Variants in ADGRB3 observed in about 807,000 individuals in gnomAD.
The protein encoded by ADGRB3 is adhesion G protein-coupled receptor B3, also known as brain-specific angiogenesis inhibitor 3.
In ADGRB3, 37 loss-of-function variants were observed where a neutral mutation model predicts 193.4. The ratio of observed to expected loss-of-function variants is 0.19; its 90% CI spans 0.15 to 0.25. ADGRB3 has a LOEUF of 0.25. Ranked by LOEUF, ADGRB3 falls within the 10% of genes least tolerant of loss-of-function variation. The pLI, the probability that ADGRB3 is intolerant of heterozygous loss-of-function variation, is 1.00. For missense variants in ADGRB3, 1,637 were observed against 1,852.9 expected, an observed-to-expected ratio of 0.88 and a Z score of 2.14; for synonymous variants, 690 against 644.2, an observed-to-expected ratio of 1.07 and a Z score of -1.08.
intron 17 of ADGRB3, among the ~76,000 whole-genome samples, chr6:69,091,752 AT>A (rs1293092893): frequency 6.6e-6 from 1 of 152,212 alleles, no homozygotes; most frequent in Non-Finnish European, 1.5e-5. Context: ...AATTTACCTA[AT>A]TAACAGACCT....
At position 69,018,406 on chromosome 6, in the gene ADGRB3, A is replaced by T; in HGVS notation, c.2014A>T (p.Ile672Leu). The change falls in exon 13 of 32, where the codon ATA becomes TTA. Residue 672 changes from isoleucine to leucine, a missense_variant. Ile to Leu is a conservative substitution (Grantham distance 5). Coordinates refer to ENST00000370598, the MANE Select transcript of ADGRB3 (RefSeq NM_001704.3). The part of the protein sequence containing the change: ...EDAQQIYPGS[I>L]ELMQVIEDFI... The stretch of plus-strand genomic sequence containing the variant: ...ATTTTTCTAGATTTATCCAGGGTCA[A>T]TAGAGTTAATGCAGGTGATTGAAGA... 3.7e-6 allele frequency: 6 copies of T among 1,601,864 alleles called. No homozygotes were observed. Among genetic ancestry groups the T allele is most frequent in the Non-Finnish European group, 5.1e-6 (6 of 1,171,172 alleles).
At chr6:69,296,608 T>C (rs1561980113) in intron 20 of ADGRB3, among the ~76,000 whole-genome samples, 2 of 152,160 alleles carry the variant, frequency 1.3e-5, no homozygotes, top group Non-Finnish European at 2.9e-5. Flanking sequence ...AAGTGAATAG[T>C]CATGTTCTCA....
intron 20 of ADGRB3, among the ~76,000 whole-genome samples, chr6:69,256,205 T>A (rs1174334125): frequency 6.6e-6 from 1 of 151,486 alleles, no homozygotes; most frequent in East Asian, 1.9e-4. Context: ...TGGTTCCATA[T>A]GAACTTTAAA....
At chr6:69,327,043 G>A (rs1006582926) in intron 21 of ADGRB3, among the ~76,000 whole-genome samples, 3 of 151,946 alleles carry the variant, frequency 2.0e-5, no homozygotes, top group Non-Finnish European at 4.4e-5. Context: ...ATGATAGTAA[G>A]AAAGAAGACA....
chr6:68,899,014 C>A (rs1462339443), intron 3 of ADGRB3, among the ~76,000 whole-genome samples: 2 of 152,054 alleles, frequency 1.3e-5, no homozygotes, highest in African/African-American at 2.4e-5. Flanking sequence ...CTAAGAAAAT[C>A]TAAAAACAGT....
intron 17 of ADGRB3, among the ~76,000 whole-genome samples, chr6:69,159,337 A>G (rs1706839): frequency 6.6e-6 from 1 of 152,252 alleles, no homozygotes; most frequent in East Asian, 1.9e-4. Flanking sequence ...ACTCTTATGT[A>G]TAAACTATAA....
chr6:69,377,081 C>T (rs1049193267), intron 30 of ADGRB3, among the ~76,000 whole-genome samples: 2 of 152,044 alleles, frequency 1.3e-5, no homozygotes, highest in Admixed American at 6.6e-5. Context: ...CCAAGGAAAT[C>T]ATCCCCCTTT....
intron 3 of ADGRB3, among the ~76,000 whole-genome samples, chr6:68,695,358 A>G (rs1765139656): frequency 6.6e-6 from 1 of 152,044 alleles, no homozygotes; most frequent in African/African-American, 2.4e-5. Flanking sequence ...TTGCCTTAAA[A>G]AAATTGTCCC....
At chr6:69,219,460 CGT>C (rs1491267862) in intron 17 of ADGRB3, among the ~76,000 whole-genome samples, 2 of 54,832 alleles carry the variant, frequency 3.6e-5, no homozygotes, top group African/African-American at 5.0e-5. Flanking sequence ...TACACACACA[CGT>C]ATATATATAT....
intron 3 of ADGRB3, among the ~76,000 whole-genome samples, chr6:68,771,162 T>C (rs1009695033): frequency 1.3e-5 from 2 of 152,144 alleles, no homozygotes; most frequent in African/African-American, 4.8e-5. Flanking sequence ...ATGTAAACTT[T>C]TATTTTCATT....
At position 69,213,627 on chromosome 6, in the gene ADGRB3, A is replaced by G. The variant is rs16900566; in HGVS notation, c.2481-19663A>G. Among the ~76,000 whole-genome samples the G allele has an allele frequency of 2.5e-3, 383 of 152,296 alleles. 11 individuals carry two copies. In the East Asian group the frequency reaches 0.068, roughly 27 times the overall value. On this transcript the variant is annotated intron_variant, in intron 17 of 31. Transcript: ENST00000370598. ...CTAGCAAAAGTACAGACAGTACAACATGCGTTTTACTTGATACACTCCTGG... is the reference window on the plus strand; with the variant it reads ...CTAGCAAAAGTACAGACAGTACAACGTGCGTTTTACTTGATACACTCCTGG...
chr6:69,343,148 T>TA (rs1769014138), intron 26 of ADGRB3, among the ~76,000 whole-genome samples: 1 of 151,372 alleles, frequency 6.6e-6, no homozygotes, highest in African/African-American at 2.4e-5. Context: ...TTTATTTTTT[T>TA]TATTTTTTTT....
Position 68,722,984 on chromosome 6 carries a change from CTG to C in ADGRB3, c.757+83554_757+83555del, listed in dbSNP as rs368833315. On this transcript the variant is annotated intron_variant, in intron 3 of 31. Coordinates refer to ENST00000370598, the MANE Select transcript of ADGRB3 (RefSeq NM_001704.3). Reference sequence around the variant, plus strand: ...AGTCATGGTACACTCTGGAGGGACACTGTAGGGTTTTTTTACAGGCATTCTTT... The same window carrying C: ...AGTCATGGTACACTCTGGAGGGACACTAGGGTTTTTTTACAGGCATTCTTT... Among the ~76,000 whole-genome samples the C allele has an allele frequency of 8.6e-5, 13 of 151,812 alleles. No homozygotes were observed. In the East Asian group the frequency reaches 1.8e-3, roughly 21 times the overall value.
intron 3 of ADGRB3, among the ~76,000 whole-genome samples, chr6:68,701,760 G>C (rs1302529532): frequency 6.6e-6 from 1 of 152,042 alleles, no homozygotes; most frequent in Admixed American, 6.6e-5. Flanking sequence ...ATTTAAATTG[G>C]CTCTTCATTA....
At position 69,239,145 on chromosome 6, in the gene ADGRB3, C is replaced by G. The variant is rs1300051731; in HGVS notation, c.2733C>G (p.Ser911=). The G allele has an allele frequency of 8.7e-6, 14 of 1,601,824 alleles. No individual in the cohort carries two copies. In the East Asian group the frequency reaches 3.1e-4, roughly 36 times the overall value. ...ALWRYIRSER[S]IILINFCLSI... ...CTAGGTACATACGCTCTGAGAGATC[C>G]ATAATACTAATTAACTTCTGCCTGT... Residue 911 remains serine (S), a synonymous_variant, in exon 20 of 32, where the codon TCC becomes TCG. Coordinates refer to ENST00000370598, the MANE Select transcript of ADGRB3 (RefSeq NM_001704.3).
At chr6:68,858,868 A>G (rs1163174401) in intron 3 of ADGRB3, among the ~76,000 whole-genome samples, 1 of 152,166 alleles carries the variant, frequency 6.6e-6, no homozygotes, top group Non-Finnish European at 1.5e-5. Context: ...TGGGCCTGTA[A>G]TGGTTGGGGC....
chr6:68,897,551 G>C (rs78525404), intron 3 of ADGRB3, among the ~76,000 whole-genome samples: 41,136 of 55,680 alleles, frequency 0.74, 17,032 homozygotes, highest in Middle Eastern at 0.83. Context: ...AAGGAAGGAA[G>C]GAAGGAAAGA....
intron 17 of ADGRB3, among the ~76,000 whole-genome samples, chr6:69,191,540 A>G (rs532905465): frequency 2.0e-5 from 3 of 152,312 alleles, no homozygotes; most frequent in Admixed American, 2.0e-4. Context: ...CTATGGTTGC[A>G]TAATAAATAT....
At chr6:69,318,026 T>C (rs555080853) in intron 20 of ADGRB3, among the ~76,000 whole-genome samples, 1 of 151,590 alleles carries the variant, frequency 6.6e-6, no homozygotes, top group African/African-American at 2.4e-5. Flanking sequence ...GATTTTCTAA[T>C]AAGGAGATAT....
Sources: allele counts gnomAD v4.1 joint callset (sites outside exome capture counted in the v4.1 genomes callset), GRCh38; gene constraint gnomAD v4.1.1; transcripts MANE v1.5; gene names NCBI Gene and HGNC (gene_info 2026-07-23, HGNC 2026-07-21).